The following USP12 variants were observed in gnomAD, a reference collection of about 807,000 sequenced individuals.
The protein encoded by USP12 is ubiquitin specific peptidase 12.
A neutral mutation model predicts 45.5 loss-of-function variants in USP12; 19 were observed. The ratio of observed to expected loss-of-function variants is 0.42; its 90% confidence interval spans 0.29 to 0.61. The LOEUF (loss-of-function observed/expected upper bound fraction) is 0.61. Among genes scored for constraint, USP12 ranks in the 20% least tolerant of loss-of-function variants. USP12 has a pLI of 0.22. For synonymous variants in USP12, 149 were observed against 148.8 expected (o/e 1.00, Z -0.01); for missense variants, 242 against 447.7 (o/e 0.54, Z 4.15).
chr13:27,072,758 A>C (rs574223016), intron 7 of USP12, among the ~76,000 whole-genome samples: 1 of 152,238 alleles, frequency 6.6e-6, no homozygotes, highest in East Asian at 1.9e-4. Flanking sequence ...CTTGAAGGGT[A>C]ATACTTAAGT....
intron 6 of USP12, chr13:27,077,282 C>A (rs151007530): frequency 2.0e-5 from 3 of 152,148 alleles, no homozygotes; most frequent in East Asian, 1.9e-4. Flanking sequence ...AACAAGGTAT[C>A]CTTTGAGAAT....
chr13:27,086,266 T>C (rs900979886), intron 6 of USP12, among the ~76,000 whole-genome samples: 32 of 57,180 alleles, frequency 5.6e-4, no homozygotes, highest in African/African-American at 1.7e-3. Flanking sequence ...TACATATACA[T>C]ACACATATAT....
chr13:27,155,066 C>CTTTTTT lies in USP12; in HGVS notation c.48+16520_48+16525dup, dbSNP rs71083634. ...TTTTTTTTTTTTCTGATGTCCACAACTTTTTTTTTTTTTTTTTTTTTTTTT... is the reference window on the plus strand; with the variant it reads ...TTTTTTTTTTTTCTGATGTCCACAACTTTTTTTTTTTTTTTTTTTTTTTTTTTTTTT... On this transcript the variant is annotated intron_variant, in intron 1 of 8. Coordinates refer to ENST00000282344, the MANE Select transcript of USP12 (RefSeq NM_182488.4). Among the ~76,000 whole-genome samples, 198 of 57,656 alleles carry CTTTTTT rather than the reference C, an allele frequency of 3.4e-3. 9 individuals carry two copies. Among genetic ancestry groups the CTTTTTT allele is most frequent in the Middle Eastern group, 0.026 (1 of 38 alleles). 37.8% of individuals were successfully genotyped at this position (57,656 alleles called of 152,430 possible). A position where few individuals can be genotyped will look rare whatever the true frequency, so the allele number is the denominator to read the frequency against.
intron 3 of USP12, among the ~76,000 whole-genome samples, chr13:27,099,142 G>T (rs1490434468): frequency 6.6e-6 from 1 of 152,172 alleles, no homozygotes. Context: ...ATAGAAAAGG[G>T]TTTTTGGTAG....
chr13:27,088,935 GAC>G (rs1231600247), intron 6 of USP12, among the ~76,000 whole-genome samples: 2 of 152,062 alleles, frequency 1.3e-5, no homozygotes, highest in African/African-American at 2.4e-5. Flanking sequence ...TACTTAACAG[GAC>G]ATGATGAGAA....
intron 1 of USP12, among the ~76,000 whole-genome samples, chr13:27,166,371 G>A (rs1217176185): frequency 6.6e-6 from 1 of 152,168 alleles, no homozygotes; most frequent in African/African-American, 2.4e-5. Flanking sequence ...TTTCAGAAGA[G>A]CTAGAATAAA....
chr13:27,089,643 T>C, intron 6 of USP12: 3 of 436,886 alleles, frequency 6.9e-6, no homozygotes. Flanking sequence ...ACTGTACTGG[T>C]TTATGATGAT....
At chr13:27,086,984 A>G (rs1262362835) in intron 6 of USP12, among the ~76,000 whole-genome samples, 4 of 152,198 alleles carry the variant, frequency 2.6e-5, no homozygotes, top group African/African-American at 9.7e-5. Context: ...TCACTTAAAA[A>G]TCTGAGCTCT....
At chr13:27,085,471 G>A (rs375410179) in intron 6 of USP12, among the ~76,000 whole-genome samples, 16 of 152,050 alleles carry the variant, frequency 1.1e-4, no homozygotes, top group South Asian at 2.1e-4. Flanking sequence ...GTGAGCCACC[G>A]CATCTGGCCG....
chr13:27,131,991 G>C (rs1876525105), intron 1 of USP12, among the ~76,000 whole-genome samples: 1 of 152,152 alleles, frequency 6.6e-6, no homozygotes, highest in Non-Finnish European at 1.5e-5. Flanking sequence ...GTGTCACTGG[G>C]TAGAGTATTG....
At chr13:27,086,654 C>T (rs1172286922) in intron 6 of USP12, among the ~76,000 whole-genome samples, 2 of 152,084 alleles carry the variant, frequency 1.3e-5, no homozygotes, top group South Asian at 2.1e-4. Flanking sequence ...ACTTGTATAA[C>T]CATCATTCTA....
chr13:27,075,531 T>G (rs1873438173), intron 6 of USP12, 143 bp from the exon 7 acceptor site: 1 of 720,558 alleles, frequency 1.4e-6, no homozygotes, highest in Non-Finnish European at 2.3e-6. Context: ...CACATTTCTA[T>G]CAATTATTTT....
chr13:27,111,409 G>C (rs747174729), intron 2 of USP12, among the ~76,000 whole-genome samples: 1 of 152,032 alleles, frequency 6.6e-6, no homozygotes, highest in Non-Finnish European at 1.5e-5. Flanking sequence ...AAAAAACATT[G>C]CTTTAGTGCT....
intron 1 of USP12, among the ~76,000 whole-genome samples, chr13:27,159,633 C>T (rs1878011965): frequency 6.6e-6 from 1 of 152,218 alleles, no homozygotes; most frequent in African/African-American, 2.4e-5. Context: ...ATACATTTAT[C>T]TAAACTCAAA....
chr13:27,113,634 C>T (rs1875573333), intron 2 of USP12, among the ~76,000 whole-genome samples: 1 of 152,226 alleles, frequency 6.6e-6, no homozygotes, highest in African/African-American at 2.4e-5. Flanking sequence ...GTAGGAACTG[C>T]TTTCTCTTCT....
chr13:27,106,035 T>C, intron 2 of USP12, 91 bp from the exon 3 acceptor site: 1 of 1,091,416 alleles, frequency 9.2e-7, no homozygotes, highest in Non-Finnish European at 1.3e-6. Flanking sequence ...CAGAAAGAGA[T>C]GACAATCGGT....
At chr13:27,093,523 A>G (rs1874418292) in intron 4 of USP12, among the ~76,000 whole-genome samples, 1 of 152,226 alleles carries the variant, frequency 6.6e-6, no homozygotes, top group Admixed American at 6.5e-5. Context: ...TGACAACACC[A>G]AATGTCAGCA....
chr13:27,108,588 A>G (rs1164965087), intron 2 of USP12, among the ~76,000 whole-genome samples: 1 of 152,206 alleles, frequency 6.6e-6, no homozygotes, highest in Non-Finnish European at 1.5e-5. Context: ...CTTAAATATA[A>G]GTGTCAACTT....
At chr13:27,145,843 C>CA (rs56989115) in intron 1 of USP12, among the ~76,000 whole-genome samples, 2 of 151,028 alleles carry the variant, frequency 1.3e-5, no homozygotes, top group East Asian at 1.9e-4. Context: ...GGAAGAAAAG[C>CA]AAAAAAAATC....
Sources: gnomAD v4.1 joint callset for allele counts (sites outside exome capture counted in the v4.1 genomes callset) on GRCh38, gnomAD v4.1.1 for gene constraint, MANE v1.5 for transcripts, NCBI Gene and HGNC (gene_info 2026-07-23, HGNC 2026-07-21) for gene names.